MSRA: variants seen among roughly 807,000 people sequenced by gnomAD.
The protein encoded by MSRA is methionine sulfoxide reductase A, also known as mitochondrial peptide methionine sulfoxide reductase.
Under a neutral mutation model 31.3 loss-of-function variants are expected in MSRA, and 54 were observed. The observed-to-expected ratio is 1.73, with a 90% CI of 1.39 to 2.17. The LOEUF is 2.17. Ranked by LOEUF, MSRA falls within the 30% of genes most tolerant of loss-of-function variation. The pLI, the probability that MSRA is intolerant of heterozygous loss-of-function variation, is 0.00. For missense variants in MSRA, 507 were observed against 300.9 expected (o/e 1.69, Z -5.07); for synonymous variants, 169 against 116.5 (o/e 1.45, Z -2.90).
intron 4 of MSRA, among the ~76,000 whole-genome samples, chr8:10,303,680 C>T (rs958310310): frequency 2.0e-5 from 3 of 152,198 alleles, no homozygotes; most frequent in Non-Finnish European, 4.4e-5. Flanking sequence ...TGGACCATCT[C>T]TTTCCATAGG....
At chr8:10,163,838 C>T (rs1804881340) in intron 1 of MSRA, among the ~76,000 whole-genome samples, 2 of 152,210 alleles carry the variant, frequency 1.3e-5, no homozygotes, top group Admixed American at 6.5e-5. Context: ...CAGACGAGGG[C>T]ACAGACCAGT....
At chr8:10,219,129 G>T (rs910762858) in intron 2 of MSRA, among the ~76,000 whole-genome samples, 2 of 152,238 alleles carry the variant, frequency 1.3e-5, no homozygotes, top group Non-Finnish European at 2.9e-5. Flanking sequence ...CCTTCAAACT[G>T]TTGAAATGAT....
chr8:10,217,896 T>G (rs915882332), intron 2 of MSRA, among the ~76,000 whole-genome samples: 21 of 152,198 alleles, frequency 1.4e-4, no homozygotes, highest in African/African-American at 1.9e-4. Context: ...ATAAATAGTT[T>G]CTTTTCATCT....
chr8:10,082,220 CCAAA>C (rs942162769), intron 1 of MSRA, among the ~76,000 whole-genome samples: 2 of 152,014 alleles, frequency 1.3e-5, no homozygotes, highest in Non-Finnish European at 2.9e-5. Flanking sequence ...AATGAAAAAG[CCAAA>C]CAAACGAAAC....
intron 1 of MSRA, among the ~76,000 whole-genome samples, chr8:10,125,707 A>T (rs1049998897): frequency 6.6e-6 from 1 of 152,206 alleles, no homozygotes; most frequent in Non-Finnish European, 1.5e-5. Flanking sequence ...TTTCCCTCTT[A>T]AATGTTTGTG....
intron 5 of MSRA, among the ~76,000 whole-genome samples, chr8:10,403,515 T>C (rs895980722): frequency 2.6e-5 from 4 of 152,112 alleles, no homozygotes; most frequent in African/African-American, 9.7e-5. Flanking sequence ...GAATTGCCGC[T>C]GGGGCTCTGG....
At chr8:10,071,507 T>G (rs1043512748) in intron 1 of MSRA, among the ~76,000 whole-genome samples, 4 of 151,590 alleles carry the variant, frequency 2.6e-5, no homozygotes, top group Non-Finnish European at 4.4e-5. Context: ...AGTTTTTAAT[T>G]CTGATGAGTT....
intron 1 of MSRA, among the ~76,000 whole-genome samples, chr8:10,168,775 C>G (rs968797274): frequency 1.3e-5 from 2 of 152,218 alleles, no homozygotes; most frequent in Non-Finnish European, 2.9e-5. Context: ...AGGAATCCTT[C>G]CTTCCACACT....
intron 1 of MSRA, among the ~76,000 whole-genome samples, chr8:10,089,136 T>TCC (rs1554542761): frequency 5.2e-5 from 4 of 77,008 alleles, no homozygotes; most frequent in South Asian, 5.7e-4. Context: ...GCTGCTTTTG[T>TCC]CCCACACACA....
intron 5 of MSRA, among the ~76,000 whole-genome samples, chr8:10,378,973 T>G (rs1414386101): frequency 6.6e-6 from 1 of 152,240 alleles, no homozygotes; most frequent in Non-Finnish European, 1.5e-5. Context: ...CTGTCATCTC[T>G]CTTCCAGCCT....
chr8:10,117,536 G>T lies in MSRA; in HGVS notation c.142+62878G>T, dbSNP rs867467164. Among the ~76,000 whole-genome samples, 6 of 152,168 alleles carry T rather than the reference G, an allele frequency of 3.9e-5. No individual in the cohort carries two copies. The South Asian group carries it at 6.2e-4, about 16-fold the overall frequency. ...CCTTGATATACATGTAAGTTTCTAT[G>T]TGGGGTATTAGAATGAATCCTAGCT... On this transcript the variant is annotated intron_variant, in intron 1 of 5. Transcript: ENST00000317173.
intron 5 of MSRA, among the ~76,000 whole-genome samples, chr8:10,333,812 C>T (rs570751449): frequency 6.6e-6 from 1 of 152,160 alleles, no homozygotes; most frequent in African/African-American, 2.4e-5. Flanking sequence ...CCACCCCACC[C>T]CCCCCACGCT....
intron 1 of MSRA, among the ~76,000 whole-genome samples, chr8:10,117,706 T>A (rs945010836): frequency 6.6e-6 from 1 of 152,190 alleles, no homozygotes; most frequent in East Asian, 1.9e-4. Context: ...CATTTCAGGG[T>A]CTTTTTGATA....
intron 5 of MSRA, among the ~76,000 whole-genome samples, chr8:10,408,712 G>C (rs914835669): frequency 2.0e-5 from 3 of 152,072 alleles, no homozygotes; most frequent in East Asian, 3.8e-4. Context: ...GTACCCATTA[G>C]GTAATTTCTC....
At chr8:10,309,880 C>T (rs886863023) in intron 4 of MSRA, among the ~76,000 whole-genome samples, 3 of 152,152 alleles carry the variant, frequency 2.0e-5, no homozygotes, top group South Asian at 2.1e-4. Flanking sequence ...AGGTCCACTC[C>T]GTGTTCAGGA....
intron 1 of MSRA, among the ~76,000 whole-genome samples, chr8:10,152,276 TATAA>T (rs1262383573): frequency 6.6e-6 from 1 of 152,234 alleles, no homozygotes; most frequent in African/African-American, 2.4e-5. Flanking sequence ...CGTATGTATA[TATAA>T]ATAAAATTGG....
chr8:10,325,025 G>A (rs997963771), intron 5 of MSRA, among the ~76,000 whole-genome samples: 1 of 152,174 alleles, frequency 6.6e-6, no homozygotes, highest in African/African-American at 2.4e-5. Flanking sequence ...AAAGTGAATG[G>A]GGGCCCTTGC....
At chr8:10,164,900 C>T (rs1485504436) in intron 1 of MSRA, among the ~76,000 whole-genome samples, 13 of 152,080 alleles carry the variant, frequency 8.5e-5, no homozygotes, top group East Asian at 5.8e-4. Flanking sequence ...TTGTCGCAGA[C>T]GCCTGTATTC....
At chr8:10,061,666 C>T (rs191031598) in intron 1 of MSRA, among the ~76,000 whole-genome samples, 3 of 152,020 alleles carry the variant, frequency 2.0e-5, no homozygotes, top group Non-Finnish European at 2.9e-5. Flanking sequence ...TGGTTAATGC[C>T]TGAGAACAAA....
Sources: allele counts gnomAD v4.1 joint callset (sites outside exome capture counted in the v4.1 genomes callset), GRCh38; gene constraint gnomAD v4.1.1; transcripts MANE v1.5; gene names NCBI Gene and HGNC (gene_info 2026-07-23, HGNC 2026-07-21).